Variants in NUDT14 observed in about 807,000 individuals in gnomAD.
NUDT14 encodes the protein nudix hydrolase 14, also known as uridine diphosphate glucose pyrophosphatase NUDT14.
In NUDT14, 22 loss-of-function variants were observed where a neutral mutation model predicts 17.5. The ratio of observed to expected loss-of-function variants is 1.26; its 90% confidence interval spans 0.90 to 1.80. The LOEUF (loss-of-function observed/expected upper bound fraction) is 1.80, where lower values mean the gene tolerates loss of function less well. NUDT14 is among the 40% of genes most tolerant of loss of function. The probability of loss-of-function intolerance (pLI) is 0.00; values close to 1 mark genes in which losing one functional copy is unlikely to be tolerated. For missense variants in NUDT14, 296 were observed against 295.6 expected (o/e 1.00, Z -0.01); for synonymous variants, 129 against 125.8 (o/e 1.03, Z -0.17).
intron 4 of NUDT14, among the ~76,000 whole-genome samples, chr14:105,174,964 G>A (rs1383243800): frequency 6.6e-6 from 1 of 152,184 alleles, no homozygotes; most frequent in Non-Finnish European, 1.5e-5. Context: ...CTCAGAGACG[G>A]ACACCCTGAC....
At chr14:105,177,666 G>A in intron 2 of NUDT14, 26 bp downstream of exon 2, 1 of 1,610,622 alleles carries the variant, frequency 6.2e-7, no homozygotes, top group Admixed American at 1.7e-5. Flanking sequence ...GGCTTCCCCA[G>A]TGGCCAGGCT....
At chr14:105,178,258 G>A (rs1459130041) in intron 1 of NUDT14, among the ~76,000 whole-genome samples, 1 of 152,104 alleles carries the variant, frequency 6.6e-6, no homozygotes, top group Non-Finnish European at 1.5e-5. Flanking sequence ...CTGGCACCAG[G>A]AGCAGATGAG....
At chr14:105,177,811 C>T in intron 1 of NUDT14, 76 bp from the exon 2 acceptor site, 1 of 1,413,960 alleles carries the variant, frequency 7.1e-7, no homozygotes, top group South Asian at 1.2e-5. Context: ...GGCCACAGAC[C>T]CATTGCACCC....
chr14:105,178,045 G>A (rs11625862), intron 1 of NUDT14, among the ~76,000 whole-genome samples: 97,342 of 152,018 alleles, frequency 0.64, 31,712 homozygotes, highest in African/African-American at 0.76. Context: ...GCAGAGAGAC[G>A]TACACCGTCA....
chr14:105,178,416 T>C (rs2141008774), intron 1 of NUDT14, among the ~76,000 whole-genome samples: 1 of 152,242 alleles, frequency 6.6e-6, no homozygotes, highest in East Asian at 1.9e-4. Context: ...CCCGTTCTCC[T>C]GTGGCCACCC....
chr14:105,176,404 A>G (rs940649215), intron 4 of NUDT14, 130 bp downstream of exon 4: 7 of 818,996 alleles, frequency 8.5e-6, no homozygotes, highest in Admixed American at 2.0e-5. Flanking sequence ...CATTCGGTCC[A>G]ACCCTCCCCT....
At chr14:105,179,189 G>A (rs1225792014) in intron 1 of NUDT14, among the ~76,000 whole-genome samples, 1 of 152,212 alleles carries the variant, frequency 6.6e-6, no homozygotes, top group African/African-American at 2.4e-5. Context: ...AGGTCAAGGT[G>A]CAGGGAGGTT....
intron 4 of NUDT14, chr14:105,176,084 G>T: frequency 9.8e-7 from 1 of 1,022,084 alleles, no homozygotes; most frequent in Non-Finnish European, 1.3e-6. Flanking sequence ...GGTGCCTCGA[G>T]TTTGGTGGGT....
chr14:105,174,698 G>C lies in NUDT14; in HGVS notation c.429-1437C>G, dbSNP rs186878770. Among the ~76,000 whole-genome samples, 381 of 152,234 alleles carry C rather than the reference G, an allele frequency of 2.5e-3. 2 individuals carry two copies. Among genetic ancestry groups the C allele is most frequent in the African/African-American group, 8.9e-3 (371 of 41,532 alleles). ...GGGGTTTCCAGCCCCGGTTTCCGCC[G>C]GCTTGTGAAGGAGACAGGCCCGGCC... On this transcript the variant is annotated intron_variant, in intron 4 of 4. Transcript: ENST00000392568.
rs759854798 is a variant in NUDT14, at chr14:105,176,620, C to G, written c.342G>C (p.Ser114=). 6.2e-6 allele frequency: 10 copies of G among 1,612,752 alleles called. No individual in the cohort carries two copies. Among genetic ancestry groups the G allele is most frequent in the Non-Finnish European group, 7.6e-6 (9 of 1,179,968 alleles). Reference sequence around the variant, plus strand: ...CCTCCTTGCAAGCCACTTCCTCCAGCGAGAGCCCAGGCTGGTCCACGAGGC... The same window carrying G: ...CCTCCTTGCAAGCCACTTCCTCCAGGGAGAGCCCAGGCTGGTCCACGAGGC... The part of the protein sequence containing the change: ...CAGLVDQPGL[S]LEEVACKEAW... Residue 114 remains serine, a synonymous_variant, in exon 4 of 5, where the codon TCG becomes TCC. Transcript: ENST00000392568.
chr14:105,173,072 A>C lies in NUDT14; in HGVS notation c.618T>G (p.Phe206Leu). 4.5e-6 allele frequency: 7 copies of C among 1,544,130 alleles called. 1 individual carries two copies. Among genetic ancestry groups the C allele is most frequent in the Non-Finnish European group, 6.1e-6 (7 of 1,145,760 alleles). The change falls in exon 5 of 5, where the codon TTT (phenylalanine) becomes TTG (leucine). Residue 206 changes from phenylalanine to leucine, a missense_variant. By Grantham distance (22) the Phe-to-Leu change is conservative. Coordinates refer to ENST00000392568, the MANE Select transcript of NUDT14 (RefSeq NM_177533.5). The surrounding 1 kb of genome is among the most constrained non-coding windows in gnomAD (Gnocchi z 4.7). ...PDIPKTLGVI[F>L]GVSWFLSQVA... Reference sequence around the variant, plus strand: ...CCTGGCTGAGGAACCATGAGACACCAAAGATGACGCCGAGGGTCTTGGGGA... The same window carrying C: ...CCTGGCTGAGGAACCATGAGACACCCAAGATGACGCCGAGGGTCTTGGGGA...
intron 1 of NUDT14, among the ~76,000 whole-genome samples, chr14:105,178,897 GGAAGGGA>G (rs1246892186): frequency 3.3e-5 from 5 of 152,174 alleles, no homozygotes; most frequent in African/African-American, 1.2e-4. Context: ...GGTTTCCAAG[GGAAGGGA>G]GGGCCGGCGT....
At chr14:105,176,082 G>T in intron 4 of NUDT14, 2 of 1,027,030 alleles carry the variant, frequency 1.9e-6, no homozygotes, top group Non-Finnish European at 2.5e-6. Flanking sequence ...TTGGTGCCTC[G>T]AGTTTGGTGG....
chr14:105,174,174 G>A (rs1440822868), intron 4 of NUDT14, among the ~76,000 whole-genome samples: 1 of 152,168 alleles, frequency 6.6e-6, no homozygotes, highest in East Asian at 1.9e-4. Context: ...GTGGGCAGTG[G>A]CCAGAAGGGG....
At chr14:105,176,459 C>A in intron 4 of NUDT14, 75 bp downstream of exon 4, 1 of 1,214,144 alleles carries the variant, frequency 8.2e-7, no homozygotes, top group Non-Finnish European at 1.2e-6. Flanking sequence ...TGCTTGCACA[C>A]TCCCAGGGAC....
intron 1 of NUDT14, among the ~76,000 whole-genome samples, chr14:105,179,077 C>G (rs1889276137): frequency 6.6e-6 from 1 of 152,122 alleles, no homozygotes; most frequent in African/African-American, 2.4e-5. Context: ...TGCCCATGCC[C>G]CTTCCCCACC....
At position 105,173,249 on chromosome 14, in the gene NUDT14, T is replaced by A; in HGVS notation, c.441A>T (p.Gly147=). 6.4e-7 allele frequency: 1 copy of A among 1,562,878 alleles called. No homozygotes were observed. The change falls in exon 5 of 5, where the codon GGA becomes GGT. Residue 147 remains glycine (G), a synonymous_variant. Coordinates refer to ENST00000392568, the MANE Select transcript of NUDT14 (RefSeq NM_177533.5). The surrounding 1 kb of genome is among the most constrained non-coding windows in gnomAD (Gnocchi z 4.7). ...ACATGGTCTGTCTGGAGCCAGTCAG[T>A]CCCACTCCAGACCTACGGGTTGAGA... ...RRVATYWSGV[G]LTGSRQTMFY... is the part of the protein sequence containing the mutation.
chr14:105,179,672 A>G (rs1889287161), intron 1 of NUDT14, among the ~76,000 whole-genome samples: 1 of 152,218 alleles, frequency 6.6e-6, no homozygotes, highest in Admixed American at 6.5e-5. Flanking sequence ...GGCCAACGTC[A>G]GGGAAAAGGG....
At chr14:105,176,936 T>C in intron 3 of NUDT14, 27 bp downstream of exon 3, 1 of 1,607,880 alleles carries the variant, frequency 6.2e-7, no homozygotes, top group South Asian at 1.1e-5. Context: ...ACCCTGCAGA[T>C]CCCCTTCCCA....
Sources: allele counts gnomAD v4.1 joint callset (sites outside exome capture counted in the v4.1 genomes callset), GRCh38; gene constraint gnomAD v4.1.1; non-coding constraint Gnocchi (gnomAD v3.1); transcripts MANE v1.5; gene names NCBI Gene and HGNC (gene_info 2026-07-23, HGNC 2026-07-21).